The following DACT2 variants were observed in gnomAD, a reference collection of about 807,000 sequenced individuals.
The protein encoded by DACT2 is dishevelled binding antagonist of beta catenin 2.
Under a neutral mutation model 22.2 loss-of-function variants are expected in DACT2, and 20 were observed. The observed-to-expected ratio is 0.90, with a 90% CI of 0.63 to 1.31. The LOEUF (loss-of-function observed/expected upper bound fraction) is 1.31, where lower values mean the gene tolerates loss of function less well. Among genes scored for constraint, DACT2 ranks in the 50% most tolerant of loss-of-function variants. The probability of loss-of-function intolerance (pLI) is 0.00; values close to 1 mark genes in which losing one functional copy is unlikely to be tolerated. For synonymous variants in DACT2, 463 were observed against 479.8 expected (o/e 0.96, Z 0.46); for missense variants, 1,048 against 1,061.4 (o/e 0.99, Z 0.18).
At chr6:168,303,895 T>A (rs980056682), downstream of DACT2, among the ~76,000 whole-genome samples, 1 of 152,228 alleles carries the variant, frequency 6.6e-6, no homozygotes, top group African/African-American at 2.4e-5. Flanking sequence ...TCCTGACATA[T>A]TTTTTACTTT....
intron 3 of DACT2, chr6:168,298,142 T>A (rs1164882625): frequency 6.6e-6 from 1 of 152,250 alleles, no homozygotes; most frequent in African/African-American, 2.4e-5. Context: ...GGTACACGCA[T>A]GTACCTATAA....
chr6:168,319,018 AGGG>A lies in DACT2; in HGVS notation c.246+367_246+369del, dbSNP rs1312308514. ...CCAGGATCCCGAGCCGACCTCCGCC[AGGG>A]GAACGCCGGTCAGTGCCTGCAGGTC... On this transcript the variant is annotated intron_variant, in intron 1 of 3. Coordinates refer to ENST00000366795, the MANE Select transcript of DACT2 (RefSeq NM_214462.5). Among the ~76,000 whole-genome samples, 3 of 152,240 alleles carry A rather than the reference AGGG, an allele frequency of 2.0e-5. No homozygotes were observed. The East Asian group carries it at 5.8e-4, about 29-fold the overall frequency.
rs141799873 is a variant in DACT2 at position 168,315,003 on chromosome 6, C to T, written c.247-3719G>A. Among the ~76,000 whole-genome samples the T allele has an allele frequency of 3.3e-3, 508 of 152,298 alleles. 2 individuals are homozygous for T. The highest frequency in any genetic ancestry group is 5.0e-3 in the Non-Finnish European group (339 of 68,026). On this transcript the variant is annotated intron_variant, in intron 1 of 3. Coordinates refer to ENST00000366795, the MANE Select transcript of DACT2 (RefSeq NM_214462.5). ...TTCTCACCCTGCCTCCCTTGGTTCC[C>T]GTGTGCTCACAAAGCAAGCACAGCC...
intron 1 of DACT2, among the ~76,000 whole-genome samples, chr6:168,318,758 G>A (rs1166572163): frequency 2.0e-5 from 3 of 152,086 alleles, no homozygotes; most frequent in Non-Finnish European, 4.4e-5. Flanking sequence ...GGAAATCAGA[G>A]TCTCTCTCCT....
At chr6:168,313,712 C>A (rs1226772933) in intron 1 of DACT2, among the ~76,000 whole-genome samples, 1 of 152,100 alleles carries the variant, frequency 6.6e-6, no homozygotes, top group African/African-American at 2.4e-5. Flanking sequence ...ATCTAAGTGC[C>A]CTGTCCTCTT....
intron 1 of DACT2, 107 bp from the exon 2 acceptor site, chr6:168,311,391 G>T: frequency 1.5e-6 from 2 of 1,341,990 alleles, no homozygotes; most frequent in Non-Finnish European, 2.0e-6. Flanking sequence ...AACTCCCAAA[G>T]TCCACGCGAA....
chr6:168,295,376 T>C (rs1178279578), intron 3 of DACT2, among the ~76,000 whole-genome samples: 1 of 152,202 alleles, frequency 6.6e-6, no homozygotes, highest in African/African-American at 2.4e-5. Context: ...CCTGGTTTGA[T>C]TGCAGGCACT....
downstream of DACT2, among the ~76,000 whole-genome samples, chr6:168,305,357 C>CAGGCACT (rs113813915): frequency 2.0e-5 from 3 of 152,008 alleles, no homozygotes; most frequent in African/African-American, 7.3e-5. Context: ...TTCTAAAAGA[C>CAGGCACT]GGGCACTGTC....
At chr6:168,294,747 A>T in intron 3 of DACT2, 2 of 1,021,654 alleles carry the variant, frequency 2.0e-6, no homozygotes, top group Non-Finnish European at 2.6e-6. Flanking sequence ...GCTACAGAAC[A>T]CACCTGCAGC....
chr6:168,309,904 A>AT lies in DACT2; in HGVS notation c.658+263dup, dbSNP rs560152714. ...CCAGTGGATCCAGGGTTTTTGAAGG[A>AT]TTTTTTTAAGCTTGCTGATGTCCAT... On this transcript the variant is annotated intron_variant, in intron 3 of 3. Transcript: ENST00000366795. Among the ~76,000 whole-genome samples, 770 of 152,246 alleles carry AT rather than the reference A, an allele frequency of 5.1e-3. 2 individuals are homozygous for AT. The highest frequency in any genetic ancestry group is 8.8e-3 in the Non-Finnish European group (599 of 68,002).
rs1205889445 is a variant in DACT2 at position 168,307,765 on chromosome 6, G to A, written c.1992C>T (p.Ser664=). 1.3e-6 allele frequency: 2 copies of A among 1,546,902 alleles called. No individual in the cohort carries two copies. The highest frequency in any genetic ancestry group is 2.4e-5 in the South Asian group (2 of 84,040). The change falls in exon 4 of 4, where the codon TCC becomes TCT. Residue 664 remains serine, a synonymous_variant. Coordinates refer to ENST00000366795, the MANE Select transcript of DACT2 (RefSeq NM_214462.5). This position sits in a 1 kb window ranked among gnomAD's most constrained non-coding sequence, Gnocchi z 5.3. ...DAYTRSDSEP[S]KHSAECDPRF... is the part of the protein sequence containing the mutation. ...GCGGGTCACACTCGGCCGAGTGCTT[G>A]GAGGGCTCTGAGTCGCTCCTGGTGT... is the stretch of plus-strand genomic sequence containing the variant.
Position 168,319,533 on chromosome 6 carries a change from C to A in DACT2, c.101G>T (p.Gly34Val). 7.3e-7 allele frequency: 1 copy of A among 1,371,156 alleles called. No individual in the cohort carries two copies. The highest frequency in any genetic ancestry group is 1.6e-5 in the South Asian group (1 of 63,572). The allele number at this position is 1,371,156 out of a possible 1,614,324, so 84.9% of individuals were successfully genotyped here. Residue 34 changes from glycine to valine, a missense_variant, in exon 1 of 4, where the codon GGG (glycine) becomes GTG (valine). Gly to Val is a moderately radical substitution (Grantham distance 109). Coordinates refer to ENST00000366795, the MANE Select transcript of DACT2 (RefSeq NM_214462.5). ...AAFAGLQELQ[G>V]LRATQQERVR... is the part of the protein sequence containing the mutation. ...CCGCTCCTGCTGCGTGGCTCGCAGC[C>A]CCTGCAGCTCCTGCAGCCCCGCGAA...
At chr6:168,318,038 G>C (rs1269413662) in intron 1 of DACT2, among the ~76,000 whole-genome samples, 1 of 121,200 alleles carries the variant, frequency 8.3e-6, no homozygotes, top group African/African-American at 2.8e-5. Context: ...TCACGCAGAA[G>C]CTGCGATTGT....
Position 168,307,276 on chromosome 6 carries a change from A to C in DACT2, c.*156T>G. The C allele has an allele frequency of 6.9e-7, 1 of 1,445,950 alleles. No homozygotes were observed. The highest frequency in any genetic ancestry group is 2.8e-5 in the Admixed American group (1 of 35,496). 89.6% of individuals were successfully genotyped at this position (1,445,950 alleles called of 1,614,324 possible). ...GGGCGGGGACTCACGGCCATACTCC[A>C]CAGGGCAGAACCCATCTGCGGGGAC... On this transcript the variant is annotated 3_prime_UTR_variant, in exon 4 of 4. Coordinates refer to ENST00000366795, the MANE Select transcript of DACT2 (RefSeq NM_214462.5). This position sits in a 1 kb window ranked among gnomAD's most constrained non-coding sequence, Gnocchi z 5.3.
chr6:168,305,383 GC>G (rs1247718929), downstream of DACT2, among the ~76,000 whole-genome samples: 1 of 152,120 alleles, frequency 6.6e-6, no homozygotes, highest in Non-Finnish European at 1.5e-5. Flanking sequence ...ACCCTGAGGA[GC>G]CCAGACCCAC....
At position 168,307,366 on chromosome 6, in the gene DACT2, G is replaced by A. The variant is rs1013001400; in HGVS notation, c.*66C>T. On this transcript the variant is annotated 3_prime_UTR_variant, in exon 4 of 4. Coordinates refer to ENST00000366795, the MANE Select transcript of DACT2 (RefSeq NM_214462.5). The surrounding 1 kb of genome is among the most constrained non-coding windows in gnomAD (Gnocchi z 5.3). ...CAAGACGACACTGAAACCCAGACATGCACAGGACACTGCATGGAAAGGGCC... is the reference window on the plus strand; with the variant it reads ...CAAGACGACACTGAAACCCAGACATACACAGGACACTGCATGGAAAGGGCC... 6.5e-7 allele frequency: 1 copy of A among 1,534,916 alleles called. No homozygotes were observed. The highest frequency in any genetic ancestry group is 1.2e-5 in the South Asian group (1 of 80,558).
At chr6:168,300,921 G>A (rs1192655092) in intron 3 of DACT2, among the ~76,000 whole-genome samples, 1 of 152,206 alleles carries the variant, frequency 6.6e-6, no homozygotes, top group Non-Finnish European at 1.5e-5. Context: ...GGGAGGCGGA[G>A]GTTGCAGTGA....
Position 168,311,295 on chromosome 6 carries a change from A to G in DACT2, c.247-11T>C. The G allele has an allele frequency of 2.0e-6, 3 of 1,537,174 alleles. No individual in the cohort carries two copies. The highest frequency in any genetic ancestry group is 2.6e-6 in the Non-Finnish European group (3 of 1,134,906). On this transcript the variant is annotated splice_polypyrimidine_tract_variant and intron_variant, in intron 1 of 3. Coordinates refer to ENST00000366795, the MANE Select transcript of DACT2 (RefSeq NM_214462.5). ...TTGTCTCAGCCGGGACTGAGAAGGG[A>G]AAGAAGAGAAAGGGAACTGTTGTAC...
At chr6:168,292,862 G>C (rs1778938275) in exon 6 of DACT2, 2 of 152,140 alleles carry the variant, frequency 1.3e-5, no homozygotes, top group African/African-American at 4.8e-5. Flanking sequence ...TGAAATATAA[G>C]AAGAAGAAAA....
Sources: allele counts gnomAD v4.1 joint callset (sites outside exome capture counted in the v4.1 genomes callset), GRCh38; gene constraint gnomAD v4.1.1; non-coding constraint Gnocchi (gnomAD v3.1); transcripts MANE v1.5; gene names NCBI Gene and HGNC (gene_info 2026-07-23, HGNC 2026-07-21).